The following DOCK2 variants were observed in gnomAD, a reference collection of about 807,000 sequenced individuals.
DOCK2 encodes the protein dedicator of cytokinesis 2.
In DOCK2, 87 loss-of-function variants were observed where a neutral mutation model predicts 248.9. The ratio of observed to expected loss-of-function variants is 0.35; its 90% CI spans 0.29 to 0.42. DOCK2 has a LOEUF of 0.42. DOCK2 is among the 10% of genes least tolerant of loss of function. The pLI is 1.00. For missense variants in DOCK2, 1,747 were observed against 2,300.2 expected (o/e 0.76, Z 4.92); for synonymous variants, 805 against 821.6 (o/e 0.98, Z 0.35).
At chr5:169,930,438 G>A (rs1775696184) in intron 27 of DOCK2, among the ~76,000 whole-genome samples, 1 of 152,116 alleles carries the variant, frequency 6.6e-6, no homozygotes, top group Non-Finnish European at 1.5e-5. Flanking sequence ...GTGTCCTCTG[G>A]GATGACATTT....
At chr5:170,019,149 C>T (rs548318420) in intron 33 of DOCK2, 41 bp downstream of exon 33, 19 of 1,612,828 alleles carry the variant, frequency 1.2e-5, no homozygotes, top group Admixed American at 8.3e-5. Flanking sequence ...CATGCCTAAT[C>T]CCCAGCCCAT....
At chr5:170,075,856 C>A in intron 46 of DOCK2, 91 bp from the exon 47 acceptor site, 1 of 1,542,812 alleles carries the variant, frequency 6.5e-7, no homozygotes, top group South Asian at 1.2e-5. Context: ...TCTTAGCAGG[C>A]AGACTTGACT....
intron 27 of DOCK2, among the ~76,000 whole-genome samples, chr5:169,879,175 G>C (rs1265233690): frequency 6.6e-6 from 1 of 152,194 alleles, no homozygotes; most frequent in African/African-American, 2.4e-5. Flanking sequence ...AGAAGACCCA[G>C]TGGGCAATCC....
intron 27 of DOCK2, among the ~76,000 whole-genome samples, chr5:169,896,056 C>A (rs1581376397): frequency 6.6e-6 from 1 of 152,180 alleles, no homozygotes; most frequent in East Asian, 1.9e-4. Flanking sequence ...ACCAGGACAG[C>A]CTTTCTGTTT....
chr5:169,826,481 G>A (rs1215376177), intron 26 of DOCK2, among the ~76,000 whole-genome samples: 8 of 152,102 alleles, frequency 5.3e-5, no homozygotes, highest in Admixed American at 4.6e-4. Flanking sequence ...AACCTCTCCA[G>A]ACCCCAAGGA....
At chr5:169,968,136 G>T (rs1208084453) in intron 27 of DOCK2, among the ~76,000 whole-genome samples, 3 of 152,166 alleles carry the variant, frequency 2.0e-5, no homozygotes, top group African/African-American at 7.2e-5. Flanking sequence ...TCCCAAAGCT[G>T]ACAACACTTT....
chr5:169,661,618 C>T (rs1330909654), intron 2 of DOCK2, among the ~76,000 whole-genome samples: 1 of 152,248 alleles, frequency 6.6e-6, no homozygotes, highest in East Asian at 1.9e-4. Context: ...CATTTCATTC[C>T]TCCCATCCCC....
At chr5:169,843,122 T>C (rs868519810) in intron 27 of DOCK2, among the ~76,000 whole-genome samples, 2 of 152,224 alleles carry the variant, frequency 1.3e-5, no homozygotes, top group Admixed American at 6.5e-5. Context: ...TGTCTGGATA[T>C]TGCCCAAACA....
At chr5:169,978,928 G>C (rs1005241281) in intron 27 of DOCK2, among the ~76,000 whole-genome samples, 4 of 152,146 alleles carry the variant, frequency 2.6e-5, no homozygotes, top group Non-Finnish European at 5.9e-5. Flanking sequence ...AGGTGACACT[G>C]TCTGGTTTGT....
At chr5:169,924,934 C>G (rs1003993535) in intron 27 of DOCK2, among the ~76,000 whole-genome samples, 16 of 152,206 alleles carry the variant, frequency 1.1e-4, no homozygotes. Context: ...TGTGTCCAGG[C>G]ACAATTGCTT....
intron 9 of DOCK2, among the ~76,000 whole-genome samples, chr5:169,692,180 C>A (rs1055601581): frequency 3.9e-5 from 6 of 152,114 alleles, no homozygotes; most frequent in African/African-American, 1.4e-4. Flanking sequence ...TAAGGGTTTA[C>A]CCCACAAGGC....
At chr5:170,007,175 C>T (rs543546997) in intron 30 of DOCK2, among the ~76,000 whole-genome samples, 7 of 152,262 alleles carry the variant, frequency 4.6e-5, no homozygotes, top group Middle Eastern at 6.8e-3. Flanking sequence ...TCTGCAAACA[C>T]GAATGAACGT....
chr5:169,655,844 G>A (rs1460047539), intron 2 of DOCK2, among the ~76,000 whole-genome samples: 1 of 152,182 alleles, frequency 6.6e-6, no homozygotes, highest in East Asian at 1.9e-4. Context: ...TTTAAAAGGG[G>A]TCATGGGGGA....
intron 27 of DOCK2, among the ~76,000 whole-genome samples, chr5:169,960,003 A>G (rs887635526): frequency 2.0e-5 from 3 of 152,248 alleles, no homozygotes; most frequent in African/African-American, 7.2e-5. Flanking sequence ...ATGTAAAGCT[A>G]GATCATCAGA....
chr5:169,699,563 T>C lies in DOCK2; in HGVS notation c.1132+105T>C, dbSNP rs1468773416. 3 of 1,107,364 alleles carry C rather than the reference T, an allele frequency of 2.7e-6. No individual in the cohort carries two copies. The African/African-American group carries it at 4.7e-5, about 17-fold the overall frequency. 68.6% of individuals were successfully genotyped at this position (1,107,364 alleles called of 1,614,324 possible). A position where few individuals can be genotyped will look rare whatever the true frequency, so the allele number is the denominator to read the frequency against. Reference sequence around the variant, plus strand: ...TGAACCCTGGGATACTTAGCTTTCCTTCCAGACAGACCACTGGGAAGAATG... The same window carrying C: ...TGAACCCTGGGATACTTAGCTTTCCCTCCAGACAGACCACTGGGAAGAATG... On this transcript the variant is annotated intron_variant, in intron 12 of 51. Coordinates refer to ENST00000520908, the MANE Select transcript of DOCK2 (RefSeq NM_004946.3).
At chr5:170,062,128 T>TGTGTGTGTGTGTGTGAGA (rs778077276) in intron 44 of DOCK2, among the ~76,000 whole-genome samples, 1 of 137,836 alleles carries the variant, frequency 7.3e-6, no homozygotes, top group African/African-American at 2.9e-5. Context: ...TGTGTGTGTG[T>TGTGTGTGTGTGTGTGAGA]GAGAGAGAGA....
At chr5:170,050,948 G>A (rs1756892568) in intron 41 of DOCK2, among the ~76,000 whole-genome samples, 2 of 152,152 alleles carry the variant, frequency 1.3e-5, no homozygotes, top group African/African-American at 4.8e-5. Flanking sequence ...CTACGTTCAG[G>A]GAGCTTACAG....
intron 25 of DOCK2, among the ~76,000 whole-genome samples, chr5:169,786,105 T>A (rs1318036360): frequency 6.6e-6 from 1 of 152,242 alleles, no homozygotes; most frequent in African/African-American, 2.4e-5. Flanking sequence ...TGATACATTC[T>A]TTTTTAGTAT....
intron 2 of DOCK2, among the ~76,000 whole-genome samples, chr5:169,658,257 G>C (rs1307857345): frequency 6.6e-6 from 1 of 151,838 alleles, no homozygotes; most frequent in Non-Finnish European, 1.5e-5. Flanking sequence ...GAGGCGGGTG[G>C]ATCATGAGGT....
Sources: gnomAD v4.1 joint callset for allele counts (sites outside exome capture counted in the v4.1 genomes callset) on GRCh38, gnomAD v4.1.1 for gene constraint, MANE v1.5 for transcripts, NCBI Gene and HGNC (gene_info 2026-07-23, HGNC 2026-07-21) for gene names.